Variants in MBD5 observed in about 807,000 individuals in gnomAD.
The protein encoded by MBD5 is methyl-CpG-binding domain protein 5.
A neutral mutation model predicts 117.3 loss-of-function variants in MBD5; 13 were observed. The observed-to-expected ratio is 0.11, with a 90% CI of 0.07 to 0.18. MBD5 has a LOEUF of 0.18. Ranked by LOEUF, MBD5 falls within the 10% of genes least tolerant of loss-of-function variation. MBD5 has a pLI of 1.00. For missense variants in MBD5, 1,879 were observed against 2,093.8 expected, an observed-to-expected ratio of 0.90 and a Z score of 2.00; for synonymous variants, 727 against 766.4, an observed-to-expected ratio of 0.95 and a Z score of 0.85.
rs146363158 is a variant in MBD5, at chr2:148,335,107, G to T, written c.-679-7107G>T. ...ATTCCAAGTCAAAAGCTAGGCAACT[G>T]ACCGGGTGCAGTAGCTCATGCCTGT... is the stretch of plus-strand genomic sequence containing the variant. On this transcript the variant is annotated intron_variant, in intron 3 of 13. Coordinates refer to ENST00000642680, the MANE Select transcript of MBD5 (RefSeq NM_001378120.1). Among the ~76,000 whole-genome samples, 11 of 152,206 alleles carry T rather than the reference G, an allele frequency of 7.2e-5. No individual in the cohort carries two copies. The East Asian group carries it at 2.1e-3, about 29-fold the overall frequency.
At chr2:148,187,633 T>C (rs1698698201) in intron 2 of MBD5, among the ~76,000 whole-genome samples, 1 of 151,578 alleles carries the variant, frequency 6.6e-6, no homozygotes, top group Non-Finnish European at 1.5e-5. Context: ...AACCAGAAGA[T>C]AATGGAATGA....
intron 1 of MBD5, among the ~76,000 whole-genome samples, chr2:148,066,245 G>T (rs879800602): frequency 6.6e-6 from 1 of 152,134 alleles, no homozygotes; most frequent in African/African-American, 2.4e-5. Context: ...GGCGGAGGTT[G>T]TAGTGAGCTG....
intron 2 of MBD5, among the ~76,000 whole-genome samples, chr2:148,219,705 A>G (rs982976261): frequency 2.6e-5 from 4 of 152,192 alleles, no homozygotes; most frequent in Admixed American, 2.0e-4. Context: ...CAAAGGTGTC[A>G]CTAAGTGACA....
intron 1 of MBD5, among the ~76,000 whole-genome samples, chr2:148,080,499 TA>T (rs1176447938): frequency 6.6e-6 from 1 of 152,010 alleles, no homozygotes; most frequent in Non-Finnish European, 1.5e-5. Flanking sequence ...ATGCTTTTTT[TA>T]AAAAAAATCT....
At chr2:148,166,133 G>A (rs139393465) in intron 1 of MBD5, among the ~76,000 whole-genome samples, 1 of 152,214 alleles carries the variant, frequency 6.6e-6, no homozygotes, top group African/African-American at 2.4e-5. Context: ...GAATGACTCA[G>A]AAGCTCTTTA....
At chr2:148,410,878 T>G (rs1448235398) in intron 4 of MBD5, among the ~76,000 whole-genome samples, 1 of 152,206 alleles carries the variant, frequency 6.6e-6, no homozygotes, top group East Asian at 1.9e-4. Context: ...TTATTTTAGA[T>G]TCAGGGGTAC....
At chr2:148,068,381 A>G (rs1338497931) in intron 1 of MBD5, among the ~76,000 whole-genome samples, 1 of 152,184 alleles carries the variant, frequency 6.6e-6, no homozygotes, top group Non-Finnish European at 1.5e-5. Context: ...TTGCACATTC[A>G]GTTGAACCTA....
intron 4 of MBD5, among the ~76,000 whole-genome samples, chr2:148,417,502 G>C (rs1054983345): frequency 2.6e-5 from 4 of 151,986 alleles, no homozygotes; most frequent in Non-Finnish European, 5.9e-5. Flanking sequence ...TCAAATGGTA[G>C]ATCTATGTTT....
chr2:148,363,494 A>T (rs926173085), intron 4 of MBD5, among the ~76,000 whole-genome samples: 1 of 152,114 alleles, frequency 6.6e-6, no homozygotes, highest in Non-Finnish European at 1.5e-5. Context: ...CGGCCTCCCA[A>T]AGTGCTGGGA....
intron 2 of MBD5, among the ~76,000 whole-genome samples, chr2:148,199,197 A>C (rs977093468): frequency 1.3e-5 from 2 of 152,136 alleles, no homozygotes; most frequent in Admixed American, 1.3e-4. Context: ...AGGCCTTTCA[A>C]CTGAGTAGAT....
At chr2:148,372,946 T>C (rs141970261) in intron 4 of MBD5, among the ~76,000 whole-genome samples, 181 of 152,264 alleles carry the variant, frequency 1.2e-3, no homozygotes, top group African/African-American at 4.0e-3. Flanking sequence ...AATAGTAATT[T>C]AGCCTTTGAG....
At chr2:148,254,380 G>C (rs990700489) in intron 3 of MBD5, among the ~76,000 whole-genome samples, 1 of 152,144 alleles carries the variant, frequency 6.6e-6, no homozygotes, top group African/African-American at 2.4e-5. Flanking sequence ...CCGTTAACAG[G>C]AGGAGTGCCA....
chr2:148,386,056 C>T (rs1011819499), intron 4 of MBD5, among the ~76,000 whole-genome samples: 3 of 151,350 alleles, frequency 2.0e-5, no homozygotes, highest in Admixed American at 6.6e-5. Context: ...CACATGTATA[C>T]ATATGTAACA....
At chr2:148,166,574 C>T (rs1346026676) in intron 1 of MBD5, among the ~76,000 whole-genome samples, 2 of 152,166 alleles carry the variant, frequency 1.3e-5, no homozygotes, top group Admixed American at 6.5e-5. Flanking sequence ...ACCTCCTTTT[C>T]CTACATCACT....
intron 3 of MBD5, among the ~76,000 whole-genome samples, chr2:148,248,004 C>A (rs1399921211): frequency 6.6e-6 from 1 of 152,000 alleles, no homozygotes; most frequent in Admixed American, 6.6e-5. Context: ...CAAACACAAA[C>A]CCTACATAAA....
chr2:148,035,396 TAATCTTA>T (rs1316842002), intron 1 of MBD5, among the ~76,000 whole-genome samples: 1 of 152,138 alleles, frequency 6.6e-6, no homozygotes, highest in East Asian at 1.9e-4. Flanking sequence ...AATTATCTGT[TAATCTTA>T]AAGCTATTTT....
intron 4 of MBD5, among the ~76,000 whole-genome samples, chr2:148,444,304 C>T (rs1706422851): frequency 7.4e-6 from 1 of 134,760 alleles, no homozygotes; most frequent in African/African-American, 3.2e-5. Flanking sequence ...TTCCACTGCA[C>T]TCACATCTAT....
At chr2:148,429,792 A>G (rs138938574) in intron 4 of MBD5, among the ~76,000 whole-genome samples, 16 of 152,322 alleles carry the variant, frequency 1.1e-4, no homozygotes, top group Middle Eastern at 3.4e-3. Flanking sequence ...TGGGAGTTAA[A>G]CAATGAAAAC....
intron 1 of MBD5, among the ~76,000 whole-genome samples, chr2:148,122,170 A>G (rs2105411201): frequency 6.6e-6 from 1 of 152,322 alleles, no homozygotes; most frequent in East Asian, 1.9e-4. Flanking sequence ...CTCCTAATAC[A>G]GAGGTAAAAT....
Sources: gnomAD v4.1 joint callset for allele counts (sites outside exome capture counted in the v4.1 genomes callset) on GRCh38, gnomAD v4.1.1 for gene constraint, MANE v1.5 for transcripts, NCBI Gene and HGNC (gene_info 2026-07-23, HGNC 2026-07-21) for gene names.